The following IPMK variants were observed in gnomAD, a reference collection of about 807,000 sequenced individuals.
The protein encoded by IPMK is inositol 1,3,4,6-tetrakisphosphate 5-kinase.
Under a neutral mutation model 45.8 loss-of-function variants are expected in IPMK, and 17 were observed. The ratio of observed to expected loss-of-function variants is 0.37; its 90% CI spans 0.25 to 0.56. The LOEUF is 0.56. Ranked by LOEUF, IPMK falls within the 20% of genes least tolerant of loss-of-function variation. IPMK has a pLI of 0.79. For missense variants in IPMK, 399 were observed against 498.0 expected, an observed-to-expected ratio of 0.80 and a Z score of 1.89; for synonymous variants, 180 against 184.3, an observed-to-expected ratio of 0.98 and a Z score of 0.19.
chr10:58,219,063 C>G (rs1050319832), intron 3 of IPMK, among the ~76,000 whole-genome samples: 2 of 152,154 alleles, frequency 1.3e-5, no homozygotes, highest in Non-Finnish European at 2.9e-5. Context: ...ACTTTACTTT[C>G]AGGTCCTTCT....
At chr10:58,217,907 TATCCCC>T (rs1838271921) in intron 3 of IPMK, among the ~76,000 whole-genome samples, 1 of 152,080 alleles carries the variant, frequency 6.6e-6, no homozygotes, top group Non-Finnish European at 1.5e-5. Context: ...GTCCTTTCAT[TATCCCC>T]ATTCCACCAA....
At chr10:58,206,152 G>T (rs1041435027) in intron 4 of IPMK, among the ~76,000 whole-genome samples, 9 of 152,132 alleles carry the variant, frequency 5.9e-5, no homozygotes, top group African/African-American at 2.2e-4. Flanking sequence ...TGACAACATG[G>T]GTGAACTTTA....
intron 1 of IPMK, among the ~76,000 whole-genome samples, chr10:58,262,412 T>A (rs1839086329): frequency 1.3e-5 from 2 of 152,124 alleles, no homozygotes; most frequent in African/African-American, 4.8e-5. Context: ...AAATTTAGAA[T>A]CAAGGGAAAG....
intron 1 of IPMK, among the ~76,000 whole-genome samples, chr10:58,253,756 A>G (rs1838921744): frequency 6.6e-6 from 1 of 151,408 alleles, no homozygotes; most frequent in Admixed American, 6.6e-5. Flanking sequence ...AAAAAGAAAA[A>G]AAAAGAAAAG....
intron 2 of IPMK, among the ~76,000 whole-genome samples, chr10:58,234,026 C>T (rs1279818539): frequency 6.6e-6 from 1 of 152,134 alleles, no homozygotes; most frequent in African/African-American, 2.4e-5. Flanking sequence ...CATTAACAGA[C>T]AAACAGAGAG....
intron 1 of IPMK, among the ~76,000 whole-genome samples, chr10:58,266,331 A>C (rs1839146728): frequency 6.6e-6 from 1 of 152,258 alleles, no homozygotes; most frequent in South Asian, 2.1e-4. Context: ...CATATACTCA[A>C]ATTAATACTT....
Position 58,260,901 on chromosome 10 carries a change from G to T in IPMK, c.190+6521C>A, listed in dbSNP as rs559030829. On this transcript the variant is annotated intron_variant, in intron 1 of 5. Coordinates refer to ENST00000373935, the MANE Select transcript of IPMK (RefSeq NM_152230.5). ...AAATAAAATCTCATCCTGTTTCTGGGGAAAAGTAATGAGTTGATTTAAAAT... is the reference window on the plus strand; with the variant it reads ...AAATAAAATCTCATCCTGTTTCTGGTGAAAAGTAATGAGTTGATTTAAAAT... Among the ~76,000 whole-genome samples the T allele has an allele frequency of 1.4e-4, 22 of 152,068 alleles. No homozygotes were observed. The Middle Eastern group carries it at 0.01, about 71-fold the overall frequency.
chr10:58,242,011 T>C (rs1273364771), intron 1 of IPMK, among the ~76,000 whole-genome samples: 3 of 151,916 alleles, frequency 2.0e-5, no homozygotes, highest in Non-Finnish European at 4.4e-5. Flanking sequence ...TAACAAATAC[T>C]GTTGGCTTCA....
chr10:58,205,979 T>C (rs1373564801), intron 4 of IPMK, among the ~76,000 whole-genome samples: 3 of 152,140 alleles, frequency 2.0e-5, no homozygotes, highest in African/African-American at 4.8e-5. Flanking sequence ...AAATAAAACA[T>C]ATACCTACAC....
chr10:58,243,309 T>C (rs1838724705), intron 1 of IPMK, among the ~76,000 whole-genome samples: 1 of 152,190 alleles, frequency 6.6e-6, no homozygotes, highest in African/African-American at 2.4e-5. Context: ...ATGCATTGCA[T>C]GGATGGATAT....
rs150857138 is a variant in IPMK at position 58,197,029 on chromosome 10, G to A, written c.629-331C>T. Reference sequence around the variant, plus strand: ...AGAAACAGGATTCCAGGCTGGGCACGGTGGCTCACGCCTGTAATCCCAGCA... The same window carrying A: ...AGAAACAGGATTCCAGGCTGGGCACAGTGGCTCACGCCTGTAATCCCAGCA... On this transcript the variant is annotated intron_variant, in intron 5 of 5. Coordinates refer to ENST00000373935, the MANE Select transcript of IPMK (RefSeq NM_152230.5). 3.9e-4 allele frequency among the ~76,000 whole-genome samples: 59 copies of A among 152,290 alleles called. 1 individual carries two copies. In the East Asian group the frequency reaches 8.9e-3, roughly 23 times the overall value.
chr10:58,248,889 T>C (rs1838843021), intron 1 of IPMK, among the ~76,000 whole-genome samples: 1 of 152,246 alleles, frequency 6.6e-6, no homozygotes, highest in Non-Finnish European at 1.5e-5. Flanking sequence ...TTTCTATGGC[T>C]GAAAAATATT....
rs764500371 is a variant in IPMK at position 58,197,326 on chromosome 10, A to AATAAATAAATAAATACATAC, written c.629-629_629-628insGTATGTATTTATTTATTTAT. On this transcript the variant is annotated intron_variant, in intron 5 of 5. Transcript: ENST00000373935. ...AAATAAATAAATAAATAAATAAATA[A>AATAAATAAATAAATACATAC]ATACATAAATACATAAACACATAAA... Among the ~76,000 whole-genome samples the AATAAATAAATAAATACATAC allele has an allele frequency of 3.4e-3, 498 of 146,504 alleles. 3 individuals are homozygous for AATAAATAAATAAATACATAC. The highest frequency in any genetic ancestry group is 5.4e-3 in the Non-Finnish European group (362 of 67,284).
Position 58,267,724 on chromosome 10 carries a change from G to A in IPMK, c.-113C>T. The A allele has an allele frequency of 3.0e-6, 2 of 670,656 alleles. No homozygotes were observed. The highest frequency in any genetic ancestry group is 2.8e-5 in the East Asian group (1 of 35,596). 41.5% of individuals were successfully genotyped at this position (670,656 alleles called of 1,614,324 possible). On this transcript the variant is annotated 5_prime_UTR_variant, in exon 1 of 6. Coordinates refer to ENST00000373935, the MANE Select transcript of IPMK (RefSeq NM_152230.5). Reference sequence around the variant, plus strand: ...GGCTCGGGCGCGAGGAGGCCCGGGGGTTCCCGCGGCTGGTGCCCTCTGAAG... The same window carrying A: ...GGCTCGGGCGCGAGGAGGCCCGGGGATTCCCGCGGCTGGTGCCCTCTGAAG...
In IPMK at chr10:58,193,866, A is replaced by G. The variant is rs915969430; in HGVS notation, c.*2210T>C. 1 of 151,870 alleles carries G rather than the reference A, an allele frequency of 6.6e-6. No individual in the cohort carries two copies. Among genetic ancestry groups the G allele is most frequent in the Non-Finnish European group, 1.5e-5 (1 of 67,750 alleles). The allele number at this position is 151,870 out of a possible 1,614,324, so 9.4% of individuals were successfully genotyped here. A position where few individuals can be genotyped will look rare whatever the true frequency, so the allele number is the denominator to read the frequency against. ...ATAGTCACATGTAGATTAGATAAAC[A>G]GATACTTATTCTGTTATACCTAAGC... On this transcript the variant is annotated 3_prime_UTR_variant, in exon 6 of 6. Transcript: ENST00000373935.
In IPMK at chr10:58,244,581, GT is replaced by G. The variant is rs761946344; in HGVS notation, c.191-6768del. On this transcript the variant is annotated intron_variant, in intron 1 of 5. Coordinates refer to ENST00000373935, the MANE Select transcript of IPMK (RefSeq NM_152230.5). ...AGAACAGGCCATGATGACGATGGTG[GT>G]TTTGTCGAAAAAAAAGAAAAGGGGG... 8.1e-3 allele frequency among the ~76,000 whole-genome samples: 1,234 copies of G among 152,130 alleles called. 12 individuals are homozygous for G. The highest frequency in any genetic ancestry group is 0.013 in the Non-Finnish European group (897 of 67,988).
intron 1 of IPMK, among the ~76,000 whole-genome samples, chr10:58,256,136 G>A (rs1341038945): frequency 6.6e-6 from 1 of 152,154 alleles, no homozygotes; most frequent in African/African-American, 2.4e-5. Context: ...GCAATTTTCA[G>A]GGAACAAGGG....
chr10:58,232,243 A>T (rs1327732269), intron 2 of IPMK, among the ~76,000 whole-genome samples: 1 of 152,212 alleles, frequency 6.6e-6, no homozygotes, highest in Non-Finnish European at 1.5e-5. Context: ...GGAGACTTTA[A>T]CACCCCACTG....
At chr10:58,234,494 C>A (rs1341947708) in intron 2 of IPMK, among the ~76,000 whole-genome samples, 1 of 152,118 alleles carries the variant, frequency 6.6e-6, no homozygotes, top group Non-Finnish European at 1.5e-5. Context: ...AGAACAGAGT[C>A]CTCAGAAAGA....
Sources: gnomAD v4.1 joint callset for allele counts (sites outside exome capture counted in the v4.1 genomes callset) on GRCh38, gnomAD v4.1.1 for gene constraint, MANE v1.5 for transcripts, NCBI Gene and HGNC (gene_info 2026-07-23, HGNC 2026-07-21) for gene names.